Variants in USH2A observed in about 807,000 individuals in gnomAD.
USH2A encodes the protein Usher syndrome 2A (autosomal recessive, mild).
In USH2A, 443 loss-of-function variants were observed where a neutral mutation model predicts 538.9. The observed-to-expected ratio is 0.82, with a 90% confidence interval of 0.76 to 0.89. The LOEUF is 0.89. Ranked by LOEUF, USH2A falls within the 40% of genes least tolerant of loss-of-function variation. The probability of loss-of-function intolerance (pLI) is 0.00; values close to 1 mark genes in which losing one functional copy is unlikely to be tolerated. For missense variants in USH2A, 6,633 were observed against 6,324.8 expected (o/e 1.05, Z -1.65); for synonymous variants, 2,413 against 2,273.5 (o/e 1.06, Z -1.75).
chr1:216,107,777 C>T (rs2032774562), intron 21 of USH2A, among the ~76,000 whole-genome samples: 1 of 150,354 alleles, frequency 6.7e-6, no homozygotes, highest in Admixed American at 6.6e-5. Flanking sequence ...TTCCATTTTG[C>T]TACCTTTTTC....
chr1:216,336,574 C>T (rs1441927531), intron 4 of USH2A, among the ~76,000 whole-genome samples: 1 of 151,330 alleles, frequency 6.6e-6, no homozygotes, highest in Non-Finnish European at 1.5e-5. Flanking sequence ...AATTGCATAC[C>T]TACTGCATTT....
chr1:216,156,243 G>A (rs1028225753), intron 21 of USH2A, among the ~76,000 whole-genome samples: 1 of 148,644 alleles, frequency 6.7e-6, no homozygotes, highest in Non-Finnish European at 1.5e-5. Context: ...TTCTCTACCT[G>A]GACTCCTTTA....
intron 32 of USH2A, among the ~76,000 whole-genome samples, chr1:216,000,950 T>C (rs1391000899): frequency 6.6e-6 from 1 of 152,162 alleles, no homozygotes; most frequent in Non-Finnish European, 1.5e-5. Context: ...GAAATGCCAA[T>C]ACATAGCTTG....
At chr1:216,101,118 T>G (rs1216502218) in intron 21 of USH2A, among the ~76,000 whole-genome samples, 1 of 152,132 alleles carries the variant, frequency 6.6e-6, no homozygotes, top group East Asian at 1.9e-4. Flanking sequence ...TATGACAAAA[T>G]TAAAAATGCA....
chr1:216,293,875 G>T (rs2037053263), intron 9 of USH2A, among the ~76,000 whole-genome samples: 2 of 152,180 alleles, frequency 1.3e-5, no homozygotes, highest in Admixed American at 1.3e-4. Context: ...TTTGTGGACT[G>T]CAGAGCCAGC....
chr1:216,242,650 T>C (rs1468974600), intron 13 of USH2A, among the ~76,000 whole-genome samples: 1 of 152,196 alleles, frequency 6.6e-6, no homozygotes, highest in Non-Finnish European at 1.5e-5. Context: ...ACTGTTTCCA[T>C]TGCAATAAAA....
intron 61 of USH2A, among the ~76,000 whole-genome samples, chr1:215,712,341 C>T (rs1659360288): frequency 6.6e-6 from 1 of 152,218 alleles, no homozygotes; most frequent in Admixed American, 6.5e-5. Flanking sequence ...GTGATTTGTT[C>T]TTTCCCTCAA....
intron 21 of USH2A, among the ~76,000 whole-genome samples, chr1:216,104,339 A>G (rs2102579677): frequency 6.6e-6 from 1 of 151,828 alleles, no homozygotes; most frequent in Middle Eastern, 3.4e-3. Flanking sequence ...TCCTTGCGAT[A>G]GTTTGCTGAG....
At chr1:215,880,179 A>T (rs1558141922) in intron 41 of USH2A, among the ~76,000 whole-genome samples, 1 of 152,188 alleles carries the variant, frequency 6.6e-6, no homozygotes, top group African/African-American at 2.4e-5. Flanking sequence ...TTGTACCCCT[A>T]TGCAAACCAA....
chr1:216,143,082 T>A (rs2102612788), intron 21 of USH2A, among the ~76,000 whole-genome samples: 1 of 152,302 alleles, frequency 6.6e-6, no homozygotes, highest in East Asian at 1.9e-4. Context: ...AGGCCCTTCA[T>A]CATTTTTTTG....
At chr1:216,006,066 C>A (rs941729573) in intron 32 of USH2A, among the ~76,000 whole-genome samples, 3 of 152,122 alleles carry the variant, frequency 2.0e-5, no homozygotes, top group Non-Finnish European at 4.4e-5. Flanking sequence ...TCTTTTCAAT[C>A]ATAATCCCTT....
chr1:215,636,647 A>G (rs1394625400), intron 69 of USH2A, among the ~76,000 whole-genome samples: 1 of 152,094 alleles, frequency 6.6e-6, no homozygotes, highest in Non-Finnish European at 1.5e-5. Flanking sequence ...CACGCAGGGG[A>G]AGGGAGGGCA....
chr1:216,093,606 G>C (rs771700593), intron 22 of USH2A, among the ~76,000 whole-genome samples: 24 of 152,100 alleles, frequency 1.6e-4, no homozygotes, highest in African/African-American at 5.8e-4. Flanking sequence ...TTAAGGTATC[G>C]CATCCTTTAG....
intron 61 of USH2A, among the ~76,000 whole-genome samples, chr1:215,699,447 T>G (rs1173381555): frequency 6.6e-6 from 1 of 152,220 alleles, no homozygotes; most frequent in African/African-American, 2.4e-5. Flanking sequence ...TTCCTATCCA[T>G]GAGCATGGAA....
intron 21 of USH2A, among the ~76,000 whole-genome samples, chr1:216,173,486 G>A (rs941311538): frequency 6.6e-5 from 10 of 152,118 alleles, no homozygotes; most frequent in South Asian, 2.1e-4. Context: ...CCTTCAAATG[G>A]TGTGTACTCC....
chr1:215,782,063 A>C lies in USH2A; in HGVS notation c.10719T>G (p.Ala3573=). 6.2e-7 allele frequency: 1 copy of C among 1,614,050 alleles called. No homozygotes were observed. Among genetic ancestry groups the C allele is most frequent in the Non-Finnish European group, 8.5e-7 (1 of 1,179,878 alleles). ...TTACCTTGCTACTGGTGGCACAGCCAGCAACCGTGCAAGCTTTCAGCTGAT... is the reference window on the plus strand; with the variant it reads ...TTACCTTGCTACTGGTGGCACAGCCCGCAACCGTGCAAGCTTTCAGCTGAT... The part of the protein sequence containing the change: ...YSYQLKACTV[A]GCATSSKVVA... Residue 3573 remains alanine (A), a synonymous_variant, in exon 54 of 72, where the codon GCT becomes GCG. Transcript: ENST00000307340.
intron 41 of USH2A, 51 bp from the exon 42 acceptor site, chr1:215,879,149 A>T (rs1485953746): frequency 6.5e-7 from 1 of 1,529,818 alleles, no homozygotes; most frequent in Non-Finnish European, 9.1e-7. Flanking sequence ...GGAATAGAGC[A>T]ATTGAAGTTC....
chr1:216,059,921 T>C (rs1424549400), intron 30 of USH2A, among the ~76,000 whole-genome samples: 1 of 152,204 alleles, frequency 6.6e-6, no homozygotes, highest in Non-Finnish European at 1.5e-5. Flanking sequence ...GAATCCATGT[T>C]ATCAAGATCC....
At position 215,639,219 on chromosome 1, in the gene USH2A, G is replaced by A. The variant is rs1440698005; in HGVS notation, c.14988C>T (p.Ile4996=). The A allele has an allele frequency of 6.2e-7, 1 of 1,614,118 alleles. No individual in the cohort carries two copies. Among genetic ancestry groups the A allele is most frequent in the South Asian group, 1.1e-5 (1 of 91,076 alleles). ...TAACACTTCCTTCGTCAGTCGTGCA[G>A]ATGACCTGGAAAAAGAAGGCTAGAC... The part of the protein sequence containing the change: ...TADKTFFFQV[I]CTTDEGSVKT... Residue 4996 remains isoleucine (I), a synonymous_variant, in exon 69 of 72, where the codon ATC becomes ATT. Transcript: ENST00000307340.
Sources: allele counts gnomAD v4.1 joint callset (sites outside exome capture counted in the v4.1 genomes callset), GRCh38; gene constraint gnomAD v4.1.1; transcripts MANE v1.5; gene names NCBI Gene and HGNC (gene_info 2026-07-23, HGNC 2026-07-21).